Variants in SPAG17 observed in about 807,000 individuals in gnomAD.
SPAG17 encodes the protein sperm associated antigen 17, also known as sperm-associated antigen 17.
In SPAG17, 169 loss-of-function variants were observed where a neutral mutation model predicts 273.6. The ratio of observed to expected loss-of-function variants is 0.62; its 90% CI spans 0.55 to 0.70. SPAG17 has a LOEUF of 0.70. SPAG17 is among the 30% of genes least tolerant of loss of function. The pLI, the probability that SPAG17 is intolerant of heterozygous loss-of-function variation, is 0.00. For missense variants in SPAG17, 2,557 were observed against 2,627.8 expected, an observed-to-expected ratio of 0.97 and a Z score of 0.59; for synonymous variants, 825 against 873.2, an observed-to-expected ratio of 0.94 and a Z score of 0.97.
chr1:118,148,997 T>C (rs766720438), intron 3 of SPAG17, among the ~76,000 whole-genome samples: 8 of 152,196 alleles, frequency 5.3e-5, no homozygotes, highest in Non-Finnish European at 1.2e-4. Context: ...ATTTGTTTTA[T>C]GGTCTTTATT....
In SPAG17 at chr1:118,025,279, G is replaced by C. The variant is rs767815405; in HGVS notation, c.3868C>G (p.Gln1290Glu). 14 of 1,613,674 alleles carry C rather than the reference G, an allele frequency of 8.7e-6. No individual in the cohort carries two copies. The South Asian group carries it at 1.1e-4, about 13-fold the overall frequency. ...EQEASRVITS[Q>E]GTVVKYMLDG... ...AACATATATTTGACAACAGTGCCTT[G>C]ACTGGTGATAACCCTTGAAGCCTCC... Residue 1290 changes from glutamine (Q) to glutamate (E), a missense_variant, in exon 27 of 49, where the codon CAA becomes GAA. Transcript: ENST00000336338.
At chr1:118,012,422 A>T in intron 29 of SPAG17, 50 bp from the exon 30 acceptor site, 2 of 1,574,784 alleles carry the variant, frequency 1.3e-6, no homozygotes, top group Non-Finnish European at 1.7e-6. Context: ...GGTTCATCCC[A>T]AGTGTACTTA....
At chr1:117,960,109 C>CGTGTGTGTGTGTGT (rs3059173) in intron 48 of SPAG17, 63 of 144,494 alleles carry the variant, frequency 4.4e-4, no homozygotes, top group African/African-American at 1.6e-3. Flanking sequence ...TTAATACACT[C>CGTGTGTGTGTGTGT]GTGTGTGTGT....
intron 32 of SPAG17, among the ~76,000 whole-genome samples, chr1:118,001,743 C>T (rs1451540885): frequency 6.6e-6 from 1 of 152,036 alleles, no homozygotes; most frequent in South Asian, 2.1e-4. Flanking sequence ...AATGGTCTAT[C>T]AATTTTGTTG....
chr1:118,103,629 G>A (rs1415283244), intron 4 of SPAG17, among the ~76,000 whole-genome samples: 4 of 152,024 alleles, frequency 2.6e-5, no homozygotes, highest in African/African-American at 9.7e-5. Context: ...ACAGCCTATG[G>A]GGAAAGAAAG....
intron 30 of SPAG17, 53 bp downstream of exon 30, chr1:118,012,175 C>G (rs879362899): frequency 9.3e-5 from 145 of 1,558,020 alleles, no homozygotes; most frequent in Non-Finnish European, 1.2e-4. Context: ...TTCTATCTAA[C>G]TTACGCTAAA....
intron 10 of SPAG17, 82 bp downstream of exon 10, chr1:118,091,524 T>C: frequency 1.3e-6 from 1 of 741,790 alleles, no homozygotes; most frequent in Non-Finnish European, 2.3e-6. Context: ...GAGTATAATT[T>C]TAAAATAGTG....
At chr1:117,964,618 C>G (rs1182291884) in intron 47 of SPAG17, 1 of 152,010 alleles carries the variant, frequency 6.6e-6, no homozygotes, top group Admixed American at 6.6e-5. Context: ...TGAGGACTTT[C>G]CTTTCCTATT....
chr1:118,085,810 G>T, intron 13 of SPAG17, 112 bp downstream of exon 13: 1 of 1,076,628 alleles, frequency 9.3e-7, no homozygotes, highest in South Asian at 1.8e-5. Context: ...CTTAGCCTCT[G>T]AAAGGTCTTT....
At chr1:118,147,428 AGAT>A (rs1337439999) in intron 3 of SPAG17, among the ~76,000 whole-genome samples, 7 of 152,200 alleles carry the variant, frequency 4.6e-5, no homozygotes, top group Non-Finnish European at 8.8e-5. Flanking sequence ...AATAATAATG[AGAT>A]GATAAAGCAG....
At chr1:118,059,990 T>C (rs553761768) in intron 18 of SPAG17, among the ~76,000 whole-genome samples, 2 of 152,278 alleles carry the variant, frequency 1.3e-5, no homozygotes, top group East Asian at 1.9e-4. Context: ...TTCTGTAATA[T>C]AGCATATTAC....
chr1:118,052,385 C>T (rs1651158867), intron 20 of SPAG17, among the ~76,000 whole-genome samples: 1 of 151,430 alleles, frequency 6.6e-6, no homozygotes, highest in Middle Eastern at 3.4e-3. Flanking sequence ...ATGGTGGTTA[C>T]CAGGGGCTGC....
At chr1:118,000,664 A>G (rs1180498523) in intron 32 of SPAG17, among the ~76,000 whole-genome samples, 1 of 152,170 alleles carries the variant, frequency 6.6e-6, no homozygotes, top group Admixed American at 6.5e-5. Flanking sequence ...ATTTTTGCAC[A>G]TTGATTTTGT....
intron 48 of SPAG17, chr1:117,959,235 G>A: frequency 6.3e-7 from 1 of 1,575,136 alleles, no homozygotes; most frequent in Non-Finnish European, 8.6e-7. Flanking sequence ...CTCATACGCT[G>A]CTATAATGAA....
chr1:118,011,405 G>A (rs541567983), intron 30 of SPAG17, among the ~76,000 whole-genome samples: 5 of 152,074 alleles, frequency 3.3e-5, no homozygotes, highest in Non-Finnish European at 5.9e-5. Flanking sequence ...AAACAAACAC[G>A]ATCACATCCT....
At chr1:118,119,527 G>A (rs753405454) in intron 3 of SPAG17, among the ~76,000 whole-genome samples, 1 of 152,170 alleles carries the variant, frequency 6.6e-6, no homozygotes, top group Non-Finnish European at 1.5e-5. Context: ...CTTTCTTGGA[G>A]GCCCATGGTG....
intron 18 of SPAG17, among the ~76,000 whole-genome samples, chr1:118,063,554 C>G (rs1652589615): frequency 6.6e-6 from 1 of 152,132 alleles, no homozygotes; most frequent in African/African-American, 2.4e-5. Context: ...GAAACTGGAT[C>G]CCTTCCTTAC....
chr1:118,020,869 A>G (rs1040077634), intron 28 of SPAG17, among the ~76,000 whole-genome samples: 1 of 152,178 alleles, frequency 6.6e-6, no homozygotes, highest in Non-Finnish European at 1.5e-5. Flanking sequence ...ATAACATGAA[A>G]ATTATATAAA....
chr1:118,003,865 G>C (rs1658579755), intron 32 of SPAG17, among the ~76,000 whole-genome samples: 1 of 152,158 alleles, frequency 6.6e-6, no homozygotes, highest in South Asian at 2.1e-4. Flanking sequence ...TTGCTGGTAA[G>C]GAGCTGTGAT....
Sources: allele counts gnomAD v4.1 joint callset (sites outside exome capture counted in the v4.1 genomes callset), GRCh38; gene constraint gnomAD v4.1.1; transcripts MANE v1.5; gene names NCBI Gene and HGNC (gene_info 2026-07-23, HGNC 2026-07-21).